TMTC1: variants seen among roughly 807,000 people sequenced by gnomAD.
TMTC1 encodes the protein protein O-mannosyl-transferase TMTC1.
TMTC1 carries 73 observed loss-of-function variants against 104.8 expected under a neutral mutation model. The observed-to-expected ratio is 0.70, with a 90% CI of 0.58 to 0.85. The LOEUF (loss-of-function observed/expected upper bound fraction) is 0.85, where lower values mean the gene tolerates loss of function less well. Among genes scored for constraint, TMTC1 ranks in the 40% least tolerant of loss-of-function variants. The probability of loss-of-function intolerance (pLI) is 0.00; values close to 1 mark genes in which losing one functional copy is unlikely to be tolerated. For synonymous variants in TMTC1, 434 were observed against 428.7 expected (o/e 1.01, Z -0.15); for missense variants, 1,035 against 1,096.1 (o/e 0.94, Z 0.79).
intron 11 of TMTC1, chr12:29,535,998 C>G: frequency 1.9e-6 from 1 of 538,418 alleles, no homozygotes; most frequent in South Asian, 2.4e-5. Flanking sequence ...TGGCCAATAA[C>G]GGACCATCTT....
intron 11 of TMTC1, among the ~76,000 whole-genome samples, chr12:29,523,818 A>AT (rs1323890306): frequency 2.0e-5 from 3 of 152,100 alleles, no homozygotes; most frequent in African/African-American, 4.8e-5. Flanking sequence ...CCTGTTTAGG[A>AT]TTTTTTTAAA....
At chr12:29,680,426 G>A (rs528016564) in intron 5 of TMTC1, among the ~76,000 whole-genome samples, 2 of 152,158 alleles carry the variant, frequency 1.3e-5, no homozygotes, top group Non-Finnish European at 2.9e-5. Context: ...ATGAGGCTGG[G>A]TGTGGTGGCT....
intron 10 of TMTC1, among the ~76,000 whole-genome samples, chr12:29,554,512 G>C (rs980618573): frequency 6.6e-6 from 1 of 151,924 alleles, no homozygotes; most frequent in African/African-American, 2.4e-5. Context: ...TATTAAGGTG[G>C]GTCAAAGAAA....
intron 7 of TMTC1, among the ~76,000 whole-genome samples, chr12:29,599,549 C>T (rs769545217): frequency 2.6e-5 from 4 of 152,126 alleles, no homozygotes; most frequent in East Asian, 3.8e-4. Flanking sequence ...GGCATAAAGG[C>T]GGAGGATGAG....
At chr12:29,577,545 T>C (rs764024284) in intron 8 of TMTC1, among the ~76,000 whole-genome samples, 51 of 152,258 alleles carry the variant, frequency 3.3e-4, no homozygotes, top group Non-Finnish European at 5.0e-4. Flanking sequence ...CAACACAGAA[T>C]AGGAGGACCC....
chr12:29,707,924 A>G (rs750463202), intron 5 of TMTC1, among the ~76,000 whole-genome samples: 1 of 152,176 alleles, frequency 6.6e-6, no homozygotes, highest in Non-Finnish European at 1.5e-5. Context: ...TAGCCCCTTG[A>G]CACACAGAAC....
rs145115277 is a variant in TMTC1 at position 29,617,536 on chromosome 12, C to CAGAGAGAG, written c.1129-13245_1129-13238dup. On this transcript the variant is annotated intron_variant, in intron 6 of 17. Transcript: ENST00000539277. Reference sequence around the variant, plus strand: ...AAACATCAGTAAGCAAAACAGACAACAGAGAGAGAGAGAGAGAGAGAGAGA... The same window carrying CAGAGAGAG: ...AAACATCAGTAAGCAAAACAGACAACAGAGAGAGAGAGAGAGAGAGAGAGAGAGAGAGA... Among the ~76,000 whole-genome samples the CAGAGAGAG allele has an allele frequency of 9.2e-3, 1,245 of 134,966 alleles. 19 individuals carry two copies. Among genetic ancestry groups the CAGAGAGAG allele is most frequent in the East Asian group, 0.046 (221 of 4,754 alleles). The allele number at this position is 134,966 out of a possible 152,430, so 88.5% of individuals were successfully genotyped here.
intron 9 of TMTC1, among the ~76,000 whole-genome samples, chr12:29,562,635 G>C (rs1228321816): frequency 2.0e-5 from 3 of 152,192 alleles, no homozygotes; most frequent in Non-Finnish European, 4.4e-5. Flanking sequence ...TTTGGAGTCA[G>C]AAGCCATGAG....
At chr12:29,558,467 T>C (rs888214319) in intron 9 of TMTC1, among the ~76,000 whole-genome samples, 1 of 152,216 alleles carries the variant, frequency 6.6e-6, no homozygotes, top group Non-Finnish European at 1.5e-5. Context: ...TAAGTTTATT[T>C]GACCCTTCGC....
intron 5 of TMTC1, among the ~76,000 whole-genome samples, chr12:29,714,269 A>G (rs774417442): frequency 2.0e-5 from 3 of 152,204 alleles, no homozygotes; most frequent in Non-Finnish European, 4.4e-5. Flanking sequence ...CAATTCAAAC[A>G]ATCATTTAAG....
intron 9 of TMTC1, among the ~76,000 whole-genome samples, chr12:29,565,501 A>G (rs1450009124): frequency 6.6e-6 from 1 of 152,240 alleles, no homozygotes; most frequent in African/African-American, 2.4e-5. Context: ...TAGGTTTTAC[A>G]TTATACCTCA....
chr12:29,681,072 C>T (rs11050367), intron 5 of TMTC1, among the ~76,000 whole-genome samples: 211 of 137,728 alleles, frequency 1.5e-3, no homozygotes, highest in African/African-American at 5.6e-3. Context: ...GCACACCAGC[C>T]TGGGCAACAG....
chr12:29,690,441 G>A (rs1941233404), intron 5 of TMTC1, among the ~76,000 whole-genome samples: 1 of 152,206 alleles, frequency 6.6e-6, no homozygotes, highest in Non-Finnish European at 1.5e-5. Flanking sequence ...TGACAATAAA[G>A]TAATGAGATC....
intron 5 of TMTC1, among the ~76,000 whole-genome samples, chr12:29,747,446 C>T (rs1010482021): frequency 2.6e-5 from 4 of 152,092 alleles, no homozygotes; most frequent in Non-Finnish European, 5.9e-5. Context: ...AAATAAATGA[C>T]CTGCAGTAGG....
chr12:29,674,118 AC>A (rs1387385375), intron 5 of TMTC1, among the ~76,000 whole-genome samples: 1 of 152,220 alleles, frequency 6.6e-6, no homozygotes. Context: ...AGTACTCTTG[AC>A]AACACAGAGG....
intron 8 of TMTC1, among the ~76,000 whole-genome samples, chr12:29,572,664 T>C (rs1032409919): frequency 1.3e-5 from 2 of 152,144 alleles, no homozygotes; most frequent in Admixed American, 1.3e-4. Flanking sequence ...TTTCCTAATT[T>C]ATGGTGCAGG....
At chr12:29,568,987 G>T in intron 9 of TMTC1, 2 of 455,954 alleles carry the variant, frequency 4.4e-6, no homozygotes, top group Non-Finnish European at 8.8e-6. Context: ...TATTATTACT[G>T]CAGGAGTAAT....
chr12:29,753,442 G>C (rs1053201127), intron 4 of TMTC1, among the ~76,000 whole-genome samples: 9 of 152,344 alleles, frequency 5.9e-5, no homozygotes, highest in African/African-American at 2.2e-4. Flanking sequence ...TGAATCTGGA[G>C]CCACGCGGAC....
intron 5 of TMTC1, among the ~76,000 whole-genome samples, chr12:29,653,172 C>T (rs1279527250): frequency 3.9e-5 from 6 of 152,042 alleles, no homozygotes; most frequent in Non-Finnish European, 7.3e-5. Flanking sequence ...TAGGAAACCA[C>T]TGACCTTGTA....
Sources: gnomAD v4.1 joint callset for allele counts (sites outside exome capture counted in the v4.1 genomes callset) on GRCh38, gnomAD v4.1.1 for gene constraint, MANE v1.5 for transcripts, NCBI Gene and HGNC (gene_info 2026-07-23, HGNC 2026-07-21) for gene names.